CAPS2: variants seen among roughly 807,000 people sequenced by gnomAD.
CAPS2 encodes the protein calcyphosine 2.
Under a neutral mutation model 86.5 loss-of-function variants are expected in CAPS2, and 98 were observed. The ratio of observed to expected loss-of-function variants is 1.13; its 90% CI spans 0.96 to 1.34. The LOEUF (loss-of-function observed/expected upper bound fraction) is 1.34, where lower values mean the gene tolerates loss of function less well. Among genes scored for constraint, CAPS2 ranks in the 40% most tolerant of loss-of-function variants. The pLI is 0.00. For missense variants in CAPS2, 729 were observed against 686.8 expected, an observed-to-expected ratio of 1.06 and a Z score of -0.69; for synonymous variants, 210 against 225.1, an observed-to-expected ratio of 0.93 and a Z score of 0.60.
chr12:75,329,216 TG>T (rs969098830), upstream of CAPS2, among the ~76,000 whole-genome samples: 1 of 152,200 alleles, frequency 6.6e-6, no homozygotes, highest in African/African-American at 2.4e-5. Context: ...AACCTAAACT[TG>T]GTGGCACAAG....
Position 75,350,020 on chromosome 12 carries a change from T to C in CAPS2, c.-394-26798A>G, listed in dbSNP as rs1318625045. Among the ~76,000 whole-genome samples the C allele has an allele frequency of 2.0e-5, 3 of 152,228 alleles. No homozygotes were observed. In the South Asian group the frequency reaches 6.2e-4, roughly 32 times the overall value. Reference sequence around the variant, plus strand: ...GGGAGGGAGGGGTGCCCACCACCACTGTGGCTCCAGTTGGCCATTTTCCCC... The same window carrying C: ...GGGAGGGAGGGGTGCCCACCACCACCGTGGCTCCAGTTGGCCATTTTCCCC... On this transcript the variant is annotated intron_variant, in intron 1 of 5. Transcript: ENST00000551829.
At chr12:75,341,409 C>CAAA (rs1256226495) in intron 1 of CAPS2, among the ~76,000 whole-genome samples, 7 of 152,140 alleles carry the variant, frequency 4.6e-5, no homozygotes, top group African/African-American at 1.4e-4. Context: ...AAAATGGATA[C>CAAA]ATAGAGTAGG....
chr12:75,304,564 G>A (rs961381238), intron 8 of CAPS2, among the ~76,000 whole-genome samples, 193 bp downstream of exon 8: 2 of 152,142 alleles, frequency 1.3e-5, no homozygotes, highest in Non-Finnish European at 2.9e-5. Context: ...GGAGGGCAAA[G>A]AGAGTAAAAT....
At chr12:75,342,971 T>C (rs1413773433) in intron 1 of CAPS2, among the ~76,000 whole-genome samples, 3 of 151,916 alleles carry the variant, frequency 2.0e-5, no homozygotes, top group Non-Finnish European at 4.4e-5. Context: ...AGATTTTGCA[T>C]ATTTTCCTTG....
At chr12:75,366,621 C>G (rs1167874790) in intron 1 of CAPS2, among the ~76,000 whole-genome samples, 1 of 151,684 alleles carries the variant, frequency 6.6e-6, no homozygotes, top group African/African-American at 2.4e-5. Flanking sequence ...TCTTGTCTTT[C>G]CTCTTCTTCA....
intron 1 of CAPS2, among the ~76,000 whole-genome samples, chr12:75,359,445 T>G (rs941871937): frequency 6.7e-6 from 1 of 149,792 alleles, no homozygotes; most frequent in Admixed American, 6.7e-5. Flanking sequence ...AGGATTTTAT[T>G]GTATAAATTG....
chr12:75,380,697 C>T (rs1313698356), intron 1 of CAPS2, among the ~76,000 whole-genome samples: 1 of 152,108 alleles, frequency 6.6e-6, no homozygotes, highest in Non-Finnish European at 1.5e-5. Context: ...GTAGGTATTA[C>T]TATGCCAAGC....
chr12:75,382,648 AAAG>A (rs1287672264), intron 1 of CAPS2, among the ~76,000 whole-genome samples: 8 of 151,994 alleles, frequency 5.3e-5, no homozygotes, highest in Non-Finnish European at 1.0e-4. Flanking sequence ...TCAAAAAAAA[AAAG>A]AAGAAGAATT....
chr12:75,384,319 G>A (rs2045167020), intron 1 of CAPS2, among the ~76,000 whole-genome samples: 1 of 151,676 alleles, frequency 6.6e-6, no homozygotes, highest in African/African-American at 2.4e-5. Flanking sequence ...ATGAAGGAAG[G>A]AACATCACTA....
At chr12:75,341,747 CTTTTTTTTT>C (rs1185408752) in intron 1 of CAPS2, among the ~76,000 whole-genome samples, 4 of 83,406 alleles carry the variant, frequency 4.8e-5, no homozygotes, top group Admixed American at 1.4e-4. Context: ...CGCCCGGCCT[CTTTTTTTTT>C]TTTTTTTTTT....
chr12:75,286,913 G>A (rs1165425988), intron 14 of CAPS2, among the ~76,000 whole-genome samples: 1 of 151,536 alleles, frequency 6.6e-6, no homozygotes, highest in East Asian at 1.9e-4. Flanking sequence ...TGTAGTTTTT[G>A]TTCCTAGATC....
chr12:75,333,447 T>TACAC (rs34076211), upstream of CAPS2, among the ~76,000 whole-genome samples: 194 of 151,130 alleles, frequency 1.3e-3, no homozygotes, highest in African/African-American at 4.5e-3. Context: ...CACACACATA[T>TACAC]ACACACACAC....
At chr12:75,301,029 C>T (rs965776064) in intron 8 of CAPS2, among the ~76,000 whole-genome samples, 8 of 152,148 alleles carry the variant, frequency 5.3e-5, no homozygotes, top group African/African-American at 1.7e-4. Context: ...ATCTTTATGG[C>T]CTTCAGACAG....
chr12:75,288,823 C>A (rs778226710), intron 14 of CAPS2, among the ~76,000 whole-genome samples: 22 of 152,020 alleles, frequency 1.4e-4, no homozygotes, highest in Non-Finnish European at 2.6e-4. Flanking sequence ...TGGTCCCCAC[C>A]CTGATGAGAC....
chr12:75,372,352 A>T (rs1180333078), intron 1 of CAPS2, among the ~76,000 whole-genome samples: 1 of 152,152 alleles, frequency 6.6e-6, no homozygotes, highest in East Asian at 1.9e-4. Flanking sequence ...ACCCCAGCCA[A>T]CACTATAACT....
At chr12:75,338,030 G>A (rs1022780874) in intron 1 of CAPS2, among the ~76,000 whole-genome samples, 3 of 151,964 alleles carry the variant, frequency 2.0e-5, no homozygotes. Context: ...AGAAAATTCA[G>A]GTGAATTCTA....
At chr12:75,333,633 C>T (rs142749696), upstream of CAPS2, among the ~76,000 whole-genome samples, 1,641 of 152,126 alleles carry the variant, frequency 0.011, 19 homozygotes, top group African/African-American at 0.032. Flanking sequence ...TTTTCGTTTT[C>T]TTATAATCTA....
chr12:75,311,438 A>C (rs780706637), intron 7 of CAPS2, among the ~76,000 whole-genome samples: 6 of 152,200 alleles, frequency 3.9e-5, no homozygotes, highest in Non-Finnish European at 8.8e-5. Flanking sequence ...AGATTTGGTC[A>C]TGGAGGAAGA....
chr12:75,385,108 T>C (rs4882599), intron 1 of CAPS2, among the ~76,000 whole-genome samples: 89,528 of 152,050 alleles, frequency 0.59, 26,375 homozygotes, highest in East Asian at 0.63. Flanking sequence ...CCTGCACTGC[T>C]TCAGGACTTT....
Sources: allele counts gnomAD v4.1 joint callset (sites outside exome capture counted in the v4.1 genomes callset), GRCh38; gene constraint gnomAD v4.1.1; transcripts MANE v1.5; gene names NCBI Gene and HGNC (gene_info 2026-07-23, HGNC 2026-07-21).